Variants in CFAP70 observed in about 807,000 individuals in gnomAD.
CFAP70 encodes the protein cilia- and flagella-associated protein 70.
CFAP70 carries 81 observed loss-of-function variants against 137.6 expected under a neutral mutation model. The ratio of observed to expected loss-of-function variants is 0.59; its 90% CI spans 0.49 to 0.71. The LOEUF (loss-of-function observed/expected upper bound fraction) is 0.71, where lower values mean the gene tolerates loss of function less well. CFAP70 is among the 30% of genes least tolerant of loss of function. The probability of loss-of-function intolerance (pLI) is 0.00; values close to 1 mark genes in which losing one functional copy is unlikely to be tolerated. For synonymous variants in CFAP70, 382 were observed against 423.6 expected, an observed-to-expected ratio of 0.90 and a Z score of 1.20; for missense variants, 976 against 1,226.7, an observed-to-expected ratio of 0.80 and a Z score of 3.05.
intron 4 of CFAP70, among the ~76,000 whole-genome samples, chr10:73,346,197 T>A (rs988660824): frequency 6.6e-6 from 1 of 152,060 alleles, no homozygotes; most frequent in Admixed American, 6.6e-5. Flanking sequence ...GCACCCAGCC[T>A]ATTTTTGTAA....
intron 4 of CFAP70, 59 bp downstream of exon 4, chr10:73,348,364 C>G: frequency 6.4e-7 from 1 of 1,561,282 alleles, no homozygotes; most frequent in Non-Finnish European, 8.8e-7. Context: ...CTATATCTCT[C>G]TGGGGCTAAG....
At chr10:73,335,584 C>T in intron 6 of CFAP70, 60 bp from the exon 8 acceptor site, 1 of 1,197,132 alleles carries the variant, frequency 8.4e-7, no homozygotes, top group South Asian at 1.4e-5. Context: ...TCTGCTCCAT[C>T]TATAGGGCAT....
chr10:73,304,825 C>T (rs1398385113), intron 12 of CFAP70, among the ~76,000 whole-genome samples: 2 of 151,128 alleles, frequency 1.3e-5, no homozygotes, highest in Non-Finnish European at 2.9e-5. Flanking sequence ...TAACTCTAAA[C>T]TCCCATCCCT....
At chr10:73,304,265 G>A (rs1054112102) in intron 12 of CFAP70, among the ~76,000 whole-genome samples, 12 of 152,126 alleles carry the variant, frequency 7.9e-5, no homozygotes, top group African/African-American at 2.7e-4. Flanking sequence ...CATTGGCCAG[G>A]CTGGTGTCGA....
At chr10:73,302,380 G>A (rs1475973539) in intron 12 of CFAP70, among the ~76,000 whole-genome samples, 1 of 152,196 alleles carries the variant, frequency 6.6e-6, no homozygotes, top group Admixed American at 6.5e-5. Context: ...AAATGCTGAT[G>A]ACAGGTCAAA....
chr10:73,293,449 AT>A (rs2048320869), intron 15 of CFAP70, 61 bp from the exon 17 acceptor site: 5 of 1,434,980 alleles, frequency 3.5e-6, no homozygotes, highest in Non-Finnish European at 4.7e-6. Context: ...GAGAGGTTTC[AT>A]AAGCATAAAT....
At chr10:73,306,071 G>A (rs2049348248) in intron 12 of CFAP70, among the ~76,000 whole-genome samples, 1 of 152,090 alleles carries the variant, frequency 6.6e-6, no homozygotes. Flanking sequence ...GGGTTCAACA[G>A]CAGATTTGAT....
At chr10:73,319,109 C>T (rs984421327) in intron 9 of CFAP70, among the ~76,000 whole-genome samples, 1 of 152,110 alleles carries the variant, frequency 6.6e-6, no homozygotes, top group Non-Finnish European at 1.5e-5. Flanking sequence ...TAATAGTAGC[C>T]TAAAACAATA....
At chr10:73,346,511 G>A (rs1010392680) in intron 4 of CFAP70, among the ~76,000 whole-genome samples, 4 of 151,864 alleles carry the variant, frequency 2.6e-5, no homozygotes, top group African/African-American at 9.7e-5. Context: ...GGGCATGGTG[G>A]TGGTGCCTGT....
chr10:73,350,239 TATTTA>T (rs2054080899), intron 3 of CFAP70, among the ~76,000 whole-genome samples: 1 of 152,212 alleles, frequency 6.6e-6, no homozygotes, highest in South Asian at 2.1e-4. Flanking sequence ...TTCCTCATAG[TATTTA>T]ATTTGTTTCT....
intron 3 of CFAP70, among the ~76,000 whole-genome samples, chr10:73,351,556 C>T (rs924294388): frequency 6.6e-6 from 1 of 152,096 alleles, no homozygotes; most frequent in Non-Finnish European, 1.5e-5. Flanking sequence ...CCTCAGTCTC[C>T]TGAGTAACTG....
rs545678659 is a variant in CFAP70 at position 73,304,120 on chromosome 10, G to A, written c.1257-4455C>T. ...CATCCAGGCTGGAGTGCAATGGCAT[G>A]ATCTCAGCTCACTGCAACCTCCACC... On this transcript the variant is annotated intron_variant, in intron 12 of 26. Coordinates refer to ENST00000310715, the Ensembl canonical transcript of CFAP70. Among the ~76,000 whole-genome samples, 4 of 151,930 alleles carry A rather than the reference G, an allele frequency of 2.6e-5. No individual in the cohort carries two copies. The South Asian group carries it at 8.3e-4, about 32-fold the overall frequency.
At chr10:73,319,882 T>C (rs2050708212) in intron 9 of CFAP70, among the ~76,000 whole-genome samples, 1 of 152,374 alleles carries the variant, frequency 6.6e-6, no homozygotes, top group East Asian at 1.9e-4. Flanking sequence ...CAGATGTCTC[T>C]TCTTATATCT....
At chr10:73,349,011 G>C (rs753829375) in intron 3 of CFAP70, among the ~76,000 whole-genome samples, 6 of 150,144 alleles carry the variant, frequency 4.0e-5, no homozygotes, top group Admixed American at 1.3e-4. Flanking sequence ...GCAGTGAGCT[G>C]AGATCAAGCC....
At chr10:73,303,367 G>A (rs1481973136) in intron 12 of CFAP70, among the ~76,000 whole-genome samples, 3 of 151,982 alleles carry the variant, frequency 2.0e-5, no homozygotes, top group East Asian at 3.9e-4. Context: ...ACAGACGCCC[G>A]CCACCACGCC....
At chr10:73,294,193 G>C (rs898298294) in intron 15 of CFAP70, 2 of 152,090 alleles carry the variant, frequency 1.3e-5, no homozygotes, top group Non-Finnish European at 2.9e-5. Context: ...TCCCTGCAGC[G>C]ATGCACTTCT....
At chr10:73,273,229 T>A (rs901209302) in intron 23 of CFAP70, among the ~76,000 whole-genome samples, 2 of 152,210 alleles carry the variant, frequency 1.3e-5, no homozygotes, top group Non-Finnish European at 2.9e-5. Flanking sequence ...GACTTTCACT[T>A]GGAAGTAGTT....
intron 5 of CFAP70, among the ~76,000 whole-genome samples, chr10:73,342,130 A>G (rs1266252638): frequency 6.6e-6 from 1 of 152,272 alleles, no homozygotes; most frequent in African/African-American, 2.4e-5. Context: ...TACTTGCAGT[A>G]GAAAATTGGT....
chr10:73,311,182 T>C (rs376277149), intron 11 of CFAP70, among the ~76,000 whole-genome samples: 1 of 152,234 alleles, frequency 6.6e-6, no homozygotes, highest in Admixed American at 6.5e-5. Context: ...TAACTCTTTA[T>C]AGAATCTCTC....
Sources: gnomAD v4.1 joint callset for allele counts (sites outside exome capture counted in the v4.1 genomes callset) on GRCh38, gnomAD v4.1.1 for gene constraint, MANE v1.5 for transcripts, NCBI Gene and HGNC (gene_info 2026-07-23, HGNC 2026-07-21) for gene names.